CERK: variants seen among roughly 807,000 people sequenced by gnomAD.
CERK encodes acylsphingosine kinase.
CERK carries 39 observed loss-of-function variants against 63.4 expected under a neutral mutation model. The ratio of observed to expected loss-of-function variants is 0.61; its 90% CI spans 0.48 to 0.80. The LOEUF (loss-of-function observed/expected upper bound fraction) is 0.80. CERK is among the 30% of genes least tolerant of loss of function. The pLI, the probability that CERK is intolerant of heterozygous loss-of-function variation, is 0.00. For synonymous variants in CERK, 302 were observed against 280.0 expected (o/e 1.08, Z -0.78); for missense variants, 670 against 714.1 (o/e 0.94, Z 0.70).
Position 46,726,897 on chromosome 22 carries a change from C to T in CERK, c.143-5882G>A, listed in dbSNP as rs141772692. ...AGCCCTGAGCTGCGACTTATCCAGA[C>T]GCGACTGCGTGTCCCCAGCCCTTGC... is the stretch of plus-strand genomic sequence containing the variant. On this transcript the variant is annotated intron_variant, in intron 1 of 12. Coordinates refer to ENST00000216264, the MANE Select transcript of CERK (RefSeq NM_022766.6). Among the ~76,000 whole-genome samples, 22 of 152,328 alleles carry T rather than the reference C, an allele frequency of 1.4e-4. No individual in the cohort carries two copies. The East Asian group carries it at 3.1e-3, about 21-fold the overall frequency.
chr22:46,688,784 ACT>A (rs1207832154), intron 12 of CERK, among the ~76,000 whole-genome samples: 1 of 152,196 alleles, frequency 6.6e-6, no homozygotes, highest in African/African-American at 2.4e-5. Context: ...CGCCAGCCAC[ACT>A]CTGTTAACGA....
chr22:46,691,042 CAT>C (rs1036626122), intron 11 of CERK, among the ~76,000 whole-genome samples: 38 of 129,864 alleles, frequency 2.9e-4, no homozygotes, highest in East Asian at 1.1e-3. Flanking sequence ...CATACACACA[CAT>C]GTATACATAC....
chr22:46,732,936 C>T (rs568986913), intron 1 of CERK, among the ~76,000 whole-genome samples: 22 of 152,070 alleles, frequency 1.4e-4, no homozygotes, highest in South Asian at 1.0e-3. Context: ...TGGCCAGGCG[C>T]GGTGGCTCAC....
chr22:46,693,528 T>C (rs898740420), intron 9 of CERK, 25 bp from the exon 10 acceptor site: 2 of 1,599,830 alleles, frequency 1.3e-6, no homozygotes, highest in African/African-American at 1.3e-5. Flanking sequence ...TATCATCACC[T>C]TTTAAATATG....
In CERK at chr22:46,713,521, A is replaced by AC. The variant is rs1282204010; in HGVS notation, c.380-1229_380-1228insG. ...GAGACTTCATCTCAAAAAAAAAAAA[A>AC]AAAAAAAACAAACAAACAAAAAAAC... On this transcript the variant is annotated intron_variant, in intron 3 of 12. Transcript: ENST00000216264. Among the ~76,000 whole-genome samples, 4 of 150,956 alleles carry AC rather than the reference A, an allele frequency of 2.6e-5. No homozygotes were observed. The East Asian group carries it at 5.9e-4, about 22-fold the overall frequency.
chr22:46,704,063 C>T (rs1035573536), intron 6 of CERK, among the ~76,000 whole-genome samples: 1 of 152,274 alleles, frequency 6.6e-6, no homozygotes, highest in African/African-American at 2.4e-5. Context: ...AATGCGCACC[C>T]ACCCTGGGAA....
In CERK at chr22:46,685,156, TC is replaced by T. The variant is rs1248044643; in HGVS notation, c.*1977del. ...ATCTTGGCTCACCGCAACCTCCACC[TC>T]TTTCTTGGGTTCAAGCGATTCTCCT... On this transcript the variant is annotated 3_prime_UTR_variant, in exon 13 of 13. Coordinates refer to ENST00000216264, the MANE Select transcript of CERK (RefSeq NM_022766.6). The T allele has an allele frequency of 3.0e-5, 2 of 65,810 alleles. No homozygotes were observed. The highest frequency in any genetic ancestry group is 7.0e-5 in the Non-Finnish European group (2 of 28,754). 4.1% of individuals were successfully genotyped at this position (65,810 alleles called of 1,614,324 possible).
chr22:46,693,261 G>T (rs2082740490), intron 10 of CERK, among the ~76,000 whole-genome samples, 166 bp downstream of exon 10: 1 of 152,216 alleles, frequency 6.6e-6, no homozygotes, highest in South Asian at 2.1e-4. Context: ...GCAAGTAACA[G>T]TGACCTGACG....
intron 1 of CERK, among the ~76,000 whole-genome samples, chr22:46,722,980 C>T (rs753887269): frequency 5.3e-5 from 8 of 152,108 alleles, no homozygotes; most frequent in Non-Finnish European, 7.4e-5. Flanking sequence ...AAGGAAAGGG[C>T]GAGCGGCTGC....
intron 1 of CERK, among the ~76,000 whole-genome samples, chr22:46,734,317 C>T (rs1223718179): frequency 6.6e-6 from 1 of 151,508 alleles, no homozygotes; most frequent in African/African-American, 2.4e-5. Flanking sequence ...TTAAAAAAAA[C>T]AAAATGAGAT....
chr22:46,719,839 C>T (rs1198136266), intron 3 of CERK, among the ~76,000 whole-genome samples: 1 of 152,196 alleles, frequency 6.6e-6, no homozygotes, highest in Non-Finnish European at 1.5e-5. Context: ...GTAAGTGACC[C>T]GCCCCCAGGC....
chr22:46,693,705 T>C (rs375469349), intron 9 of CERK: 19 of 518,900 alleles, frequency 3.7e-5, no homozygotes, highest in South Asian at 3.6e-4. Context: ...CATGTCCTTC[T>C]CTAAAAGGTT....
chr22:46,694,379 C>T (rs899947397), intron 9 of CERK, among the ~76,000 whole-genome samples: 4 of 152,124 alleles, frequency 2.6e-5, no homozygotes, highest in Middle Eastern at 6.8e-3. Context: ...GGGGTGGGGG[C>T]GGAGATATGC....
Position 46,687,574 on chromosome 22 carries a change from C to T in CERK, c.1542-368G>A, listed in dbSNP as rs2146537200. Among the ~76,000 whole-genome samples, 3 of 152,090 alleles carry T rather than the reference C, an allele frequency of 2.0e-5. 1 individual carries two copies. The South Asian group carries it at 6.2e-4, about 32-fold the overall frequency. On this transcript the variant is annotated intron_variant, in intron 12 of 12. Coordinates refer to ENST00000216264, the MANE Select transcript of CERK (RefSeq NM_022766.6). Reference sequence around the variant, plus strand: ...GCAGAGCGTCCGCTCCAGTGTCTGCCCACTCCACCCACCCACCCACCTCCA... The same window carrying T: ...GCAGAGCGTCCGCTCCAGTGTCTGCTCACTCCACCCACCCACCCACCTCCA...
rs1445067188 is a variant in CERK at position 46,687,758 on chromosome 22, A to G, written c.1542-552T>C. ...TGAGGAACAAGTTGGGGGTCCCTGG[A>G]GGTCCCCTGCCCAGGGGCTCGGTGG... On this transcript the variant is annotated intron_variant, in intron 12 of 12. Coordinates refer to ENST00000216264, the MANE Select transcript of CERK (RefSeq NM_022766.6). Among the ~76,000 whole-genome samples, 4 of 152,294 alleles carry G rather than the reference A, an allele frequency of 2.6e-5. No homozygotes were observed. The East Asian group carries it at 7.7e-4, about 29-fold the overall frequency.
intron 8 of CERK, among the ~76,000 whole-genome samples, chr22:46,695,623 T>C (rs1293232492): frequency 6.6e-6 from 1 of 152,228 alleles, no homozygotes; most frequent in Middle Eastern, 3.2e-3. Context: ...TAGCCACCCC[T>C]CATAGCCTCG....
At chr22:46,737,448 G>A (rs2082980359) in intron 1 of CERK, among the ~76,000 whole-genome samples, 1 of 152,234 alleles carries the variant, frequency 6.6e-6, no homozygotes, top group African/African-American at 2.4e-5. Context: ...GGGGCAAGTA[G>A]CCAACCCGTG....
rs1310099391 is a variant in CERK, at chr22:46,685,282, G to C, written c.*1852C>G. 1 of 152,302 alleles carries C rather than the reference G, an allele frequency of 6.6e-6. No individual in the cohort carries two copies. The highest frequency in any genetic ancestry group is 1.9e-4 in the East Asian group (1 of 5,212). 9.4% of individuals were successfully genotyped at this position (152,302 alleles called of 1,614,324 possible). ...GACGAGGTTTCACCATGTTGGGCAG[G>C]CTGATCTCAAACTCCTGACCTTAGG... On this transcript the variant is annotated 3_prime_UTR_variant, in exon 13 of 13. Transcript: ENST00000216264.
At chr22:46,703,972 C>G (rs1335668802) in intron 6 of CERK, among the ~76,000 whole-genome samples, 1 of 152,168 alleles carries the variant, frequency 6.6e-6, no homozygotes, top group Non-Finnish European at 1.5e-5. Flanking sequence ...TGTCACCTCT[C>G]AGAAAGGCCT....
Sources: gnomAD v4.1 joint callset for allele counts (sites outside exome capture counted in the v4.1 genomes callset) on GRCh38, gnomAD v4.1.1 for gene constraint, MANE v1.5 for transcripts, NCBI Gene and HGNC (gene_info 2026-07-23, HGNC 2026-07-21) for gene names.